The following NRXN3 variants were observed in gnomAD, a reference collection of about 807,000 sequenced individuals.
NRXN3 encodes neurexin 3.
NRXN3 carries 32 observed loss-of-function variants against 137.6 expected under a neutral mutation model. That is an observed-to-expected ratio of 0.23 (90% CI 0.18 to 0.31). The LOEUF (loss-of-function observed/expected upper bound fraction) is 0.31, where lower values mean the gene tolerates loss of function less well. NRXN3 is among the 10% of genes least tolerant of loss of function. The pLI, the probability that NRXN3 is intolerant of heterozygous loss-of-function variation, is 1.00. For synonymous variants in NRXN3, 798 were observed against 784.5 expected (o/e 1.02, Z -0.29); for missense variants, 1,574 against 2,062.5 (o/e 0.76, Z 4.59).
chr14:79,473,845 C>G (rs1484813298), intron 16 of NRXN3, among the ~76,000 whole-genome samples: 1 of 147,174 alleles, frequency 6.8e-6, no homozygotes, highest in Non-Finnish European at 1.5e-5. Context: ...GGCATTGTCT[C>G]TCCAGCTTTC....
In NRXN3 at chr14:79,200,828, A is replaced by ATTTTTTTTTTTTTTTTTTTTTTT. The variant is rs56194422; in HGVS notation, c.3262+212693_3262+212715dup. Among the ~76,000 whole-genome samples, 2 of 59,082 alleles carry ATTTTTTTTTTTTTTTTTTTTTTT rather than the reference A, an allele frequency of 3.4e-5. 1 individual carries two copies. The allele number at this position is 59,082 out of a possible 152,430, so 38.8% of individuals were successfully genotyped here. A position where few individuals can be genotyped will look rare whatever the true frequency, so the allele number is the denominator to read the frequency against. On this transcript the variant is annotated intron_variant, in intron 15 of 20. Coordinates refer to ENST00000335750, the MANE Select transcript of NRXN3 (RefSeq NM_001330195.2). ...TCCCTATTGCTCTCCTGTGAGCTGT[A>ATTTTTTTTTTTTTTTTTTTTTTT]TTTTTTTTTTTTTTTTTTTTTTTTT... is the stretch of plus-strand genomic sequence containing the variant.
intron 17 of NRXN3, among the ~76,000 whole-genome samples, chr14:79,673,198 T>C (rs1331259818): frequency 6.6e-6 from 1 of 152,064 alleles, no homozygotes; most frequent in African/African-American, 2.4e-5. Flanking sequence ...ACTTTGAGTC[T>C]TCAGTTCATG....
chr14:79,707,048 G>T (rs1352711978), intron 19 of NRXN3, among the ~76,000 whole-genome samples: 1 of 152,110 alleles, frequency 6.6e-6, no homozygotes, highest in African/African-American at 2.4e-5. Context: ...TGAGTATATT[G>T]TGTGAGCACC....
At chr14:78,843,622 A>G (rs999913006) in intron 10 of NRXN3, among the ~76,000 whole-genome samples, 3 of 152,148 alleles carry the variant, frequency 2.0e-5, no homozygotes, top group Admixed American at 2.0e-4. Context: ...AGATTCAATG[A>G]GAGCAGCAAA....
chr14:78,612,086 C>A (rs536129308), intron 4 of NRXN3, among the ~76,000 whole-genome samples: 13 of 152,098 alleles, frequency 8.5e-5, no homozygotes, highest in African/African-American at 3.1e-4. Context: ...TGCAAAAGAC[C>A]GTGGTACATT....
intron 15 of NRXN3, among the ~76,000 whole-genome samples, chr14:79,304,379 C>A (rs997052910): frequency 6.6e-6 from 1 of 151,994 alleles, no homozygotes; most frequent in Non-Finnish European, 1.5e-5. Flanking sequence ...CTTTTGGGAT[C>A]CCTGTATGTT....
intron 15 of NRXN3, among the ~76,000 whole-genome samples, chr14:79,372,650 G>A (rs2153437008): frequency 6.6e-6 from 1 of 152,096 alleles, no homozygotes. Flanking sequence ...TAAGTTCTAT[G>A]CTGGCTTTGA....
Position 78,880,767 on chromosome 14 carries a change from A to G in NRXN3, c.2275+70423A>G, listed in dbSNP as rs538012554. 1.7e-4 allele frequency among the ~76,000 whole-genome samples: 26 copies of G among 152,344 alleles called. No homozygotes were observed. The Middle Eastern group carries it at 0.01, about 60-fold the overall frequency. On this transcript the variant is annotated intron_variant, in intron 10 of 20. Transcript: ENST00000335750. Reference sequence around the variant, plus strand: ...GTGTATATATAAGTGTTATGTATTTACGCATATGGTACATGTGCCTACAAG... The same window carrying G: ...GTGTATATATAAGTGTTATGTATTTGCGCATATGGTACATGTGCCTACAAG...
chr14:78,243,230 G>C lies in NRXN3; in HGVS notation c.137G>C (p.Ser46Thr). The change falls in exon 2 of 21, where the codon AGC (serine) becomes ACC (threonine). Residue 46 changes from serine to threonine, a missense_variant. Ser to Thr is a moderately conservative substitution (Grantham distance 58, BLOSUM62 1). Around this residue, in one of 5 missense-constraint regions of NRXN3, gnomAD observed 400 missense variants for 527.3 expected, o/e 0.76. Transcript: ENST00000335750. The surrounding 1 kb of genome is among the most constrained non-coding windows in gnomAD (Gnocchi z 4.2). Reference protein sequence around the residue: ...QWARYLRWDASTRSDLSFQFK... With the variant: ...QWARYLRWDATTRSDLSFQFK... ...GCCCGCTACCTCCGCTGGGATGCCA[G>C]CACACGCAGTGACCTGAGTTTCCAG... 6.4e-7 allele frequency: 1 copy of C among 1,551,690 alleles called. No individual in the cohort carries two copies. Among genetic ancestry groups the C allele is most frequent in the East Asian group, 2.4e-5 (1 of 41,986 alleles).
At chr14:79,672,919 C>A (rs770266620) in intron 17 of NRXN3, among the ~76,000 whole-genome samples, 14 of 152,030 alleles carry the variant, frequency 9.2e-5, no homozygotes, top group Non-Finnish European at 2.1e-4. Context: ...GAACACTGAG[C>A]TTCTTTGAGA....
At chr14:79,344,134 G>A (rs761921452) in intron 15 of NRXN3, among the ~76,000 whole-genome samples, 4 of 152,092 alleles carry the variant, frequency 2.6e-5, no homozygotes, top group Non-Finnish European at 5.9e-5. Context: ...ACTCCAAGAG[G>A]AATGTATTAT....
At chr14:78,505,129 T>C (rs921441310) in intron 4 of NRXN3, among the ~76,000 whole-genome samples, 3 of 152,010 alleles carry the variant, frequency 2.0e-5, no homozygotes, top group Non-Finnish European at 2.9e-5. Context: ...CCAGGGAGAA[T>C]GATGCATTGA....
intron 15 of NRXN3, among the ~76,000 whole-genome samples, chr14:79,044,820 C>T (rs1351897633): frequency 2.0e-5 from 2 of 100,014 alleles, no homozygotes; most frequent in East Asian, 6.5e-4. Context: ...TGATTAGCAC[C>T]TCTAGTTTTT....
chr14:78,771,509 A>G lies in NRXN3; in HGVS notation c.2045-32111A>G, dbSNP rs1432373370. Among the ~76,000 whole-genome samples, 3 of 152,220 alleles carry G rather than the reference A, an allele frequency of 2.0e-5. No individual in the cohort carries two copies. The East Asian group carries it at 5.8e-4, about 29-fold the overall frequency. On this transcript the variant is annotated intron_variant, in intron 8 of 20. Coordinates refer to ENST00000335750, the MANE Select transcript of NRXN3 (RefSeq NM_001330195.2). ...GATGGCCTCTTCAAGGTGCAGAGAA[A>G]GAAGATCTCCTCCAAGAGAATTAAA... is the stretch of plus-strand genomic sequence containing the variant.
chr14:79,581,852 A>AT (rs1419190399), intron 16 of NRXN3, among the ~76,000 whole-genome samples: 7 of 152,200 alleles, frequency 4.6e-5, no homozygotes, highest in African/African-American at 1.7e-4. Flanking sequence ...CCTGTATTAT[A>AT]TTTTTGGAGC....
chr14:78,438,275 G>A (rs188468285), intron 4 of NRXN3, among the ~76,000 whole-genome samples: 1 of 152,284 alleles, frequency 6.6e-6, no homozygotes, highest in East Asian at 1.9e-4. Context: ...ACATCCAGGT[G>A]GAGAGAATCA....
At chr14:78,382,284 A>G (rs1302805788) in intron 4 of NRXN3, among the ~76,000 whole-genome samples, 1 of 152,178 alleles carries the variant, frequency 6.6e-6, no homozygotes, top group African/African-American at 2.4e-5. Context: ...GTGAAGAAAA[A>G]AGTTCAGTAT....
chr14:79,356,086 C>G (rs973703366), intron 15 of NRXN3, among the ~76,000 whole-genome samples: 27 of 151,826 alleles, frequency 1.8e-4, no homozygotes, highest in African/African-American at 6.3e-4. Flanking sequence ...ATTTTTTTTC[C>G]ATAGCAAAGT....
At chr14:78,700,211 A>G (rs1010627983) in intron 6 of NRXN3, among the ~76,000 whole-genome samples, 1 of 152,222 alleles carries the variant, frequency 6.6e-6, no homozygotes, top group Admixed American at 6.5e-5. Context: ...GTACATTTAC[A>G]TGGGATTTTG....
Sources: gnomAD v4.1 joint callset for allele counts (sites outside exome capture counted in the v4.1 genomes callset) on GRCh38, gnomAD v4.1.1 for gene constraint, gnomAD v4.1.1 regional missense constraint, Gnocchi (gnomAD v3.1) non-coding constraint, MANE v1.5 for transcripts, NCBI Gene and HGNC (gene_info 2026-07-23, HGNC 2026-07-21) for gene names.